The following CEP63 variants were observed in gnomAD, a reference collection of about 807,000 sequenced individuals.
CEP63 encodes the protein centrosomal protein of 63 kDa.
CEP63 carries 84 observed loss-of-function variants against 89.1 expected under a neutral mutation model. That is an observed-to-expected ratio of 0.94 (90% CI 0.79 to 1.13). CEP63 has a LOEUF of 1.13. CEP63 is among the 50% of genes most tolerant of loss of function. The pLI is 0.00. For missense variants in CEP63, 838 were observed against 813.3 expected, an observed-to-expected ratio of 1.03 and a Z score of -0.37; for synonymous variants, 267 against 272.5, an observed-to-expected ratio of 0.98 and a Z score of 0.20.
At chr3:134,629,841 A>G in the CEP63 span, 4 of 620,028 alleles carry the variant, frequency 6.5e-6, no homozygotes. Flanking sequence ...TCTTTAAATC[A>G]AAACAACAAC....
chr3:134,765,785 C>T, the CEP63 span, among the ~76,000 whole-genome samples: 7 of 152,062 alleles, frequency 4.6e-5, no homozygotes, highest in Non-Finnish European at 1.0e-4. Context: ...TGTCCTTTGG[C>T]CAGCAGCATC....
the CEP63 span, among the ~76,000 whole-genome samples, chr3:134,654,890 G>T: frequency 4.6e-5 from 7 of 152,110 alleles, no homozygotes; most frequent in Admixed American, 6.5e-5. Context: ...TCTCTGTGGT[G>T]CCTCTTTTTA....
In CEP63 at chr3:134,564,433, A is replaced by G; in HGVS notation, c.*2898A>G. The G allele has an allele frequency of 2.0e-6, 2 of 985,196 alleles. No individual in the cohort carries two copies. The highest frequency in any genetic ancestry group is 2.4e-6 in the Non-Finnish European group (2 of 829,920). 61.0% of individuals were successfully genotyped at this position (985,196 alleles called of 1,614,324 possible). On this transcript the variant is annotated 3_prime_UTR_variant, in exon 15 of 15. Coordinates refer to ENST00000675561, the MANE Select transcript of CEP63 (RefSeq NM_001353108.3). ...CCCATGTCAGGGAACGTTTCTCCTC[A>G]TTGCTGTCATGGCACCCTGTGTGTG...
chr3:134,572,061 A>C (rs144679875), intron 11 of CEP63, among the ~76,000 whole-genome samples: 1 of 152,216 alleles, frequency 6.6e-6, no homozygotes, highest in Non-Finnish European at 1.5e-5. Context: ...ACCCAAGTTC[A>C]TGGAACCCTA....
At chr3:134,651,044 C>G in the CEP63 span, 7 of 1,584,376 alleles carry the variant, frequency 4.4e-6, no homozygotes, top group South Asian at 2.3e-5. Flanking sequence ...CGCAGCTGCC[C>G]CACACGGGAG....
chr3:134,713,316 C>T, the CEP63 span, among the ~76,000 whole-genome samples: 2 of 152,162 alleles, frequency 1.3e-5, no homozygotes, highest in Non-Finnish European at 2.9e-5. Context: ...CCCTTGCTAG[C>T]AATTGGTGTA....
chr3:134,596,060 C>CTGGG, the CEP63 span, among the ~76,000 whole-genome samples: 1 of 15,518 alleles, frequency 6.4e-5, no homozygotes, highest in African/African-American at 2.9e-4. Flanking sequence ...TTGTTGGTCT[C>CTGGG]TGGGTGGGTG....
At chr3:134,558,397 T>G (rs1956690372) in intron 13 of CEP63, 50 bp downstream of exon 13, 1 of 1,208,972 alleles carries the variant, frequency 8.3e-7, no homozygotes, top group Non-Finnish European at 1.2e-6. Flanking sequence ...ACAATATAAT[T>G]CTCATTTCTT....
chr3:134,635,493 TA>T, the CEP63 span, among the ~76,000 whole-genome samples: 2 of 79,334 alleles, frequency 2.5e-5, no homozygotes, highest in South Asian at 5.9e-4. Context: ...CGAGACTCTG[TA>T]AAAAAAAAAA....
intron 3 of CEP63, among the ~76,000 whole-genome samples, chr3:134,528,567 TGC>T (rs1328587849): frequency 7.6e-6 from 1 of 130,846 alleles, no homozygotes; most frequent in Non-Finnish European, 1.6e-5. Flanking sequence ...TGTGTGTGTG[TGC>T]GTGTGTGTGT....
chr3:134,538,359 T>A (rs888340019), intron 6 of CEP63, among the ~76,000 whole-genome samples: 2 of 151,114 alleles, frequency 1.3e-5, no homozygotes, highest in African/African-American at 4.9e-5. Context: ...TGTGAGTGAC[T>A]TCATTCAAAA....
At chr3:134,619,247 G>T in the CEP63 span, 1 of 1,613,926 alleles carries the variant, frequency 6.2e-7, no homozygotes, top group Non-Finnish European at 8.5e-7. Context: ...CTTCTCCTGA[G>T]CAGCTGCAAT....
intron 11 of CEP63, among the ~76,000 whole-genome samples, chr3:134,570,392 C>T (rs891407878): frequency 6.6e-6 from 1 of 152,190 alleles, no homozygotes; most frequent in Non-Finnish European, 1.5e-5. Flanking sequence ...GAAATTTCTT[C>T]TGCCAGATAC....
chr3:134,597,082 C>T, the CEP63 span, among the ~76,000 whole-genome samples: 2 of 152,086 alleles, frequency 1.3e-5, no homozygotes, highest in Admixed American at 6.5e-5. Context: ...TGATGGGAGA[C>T]AAAGTGGAGA....
chr3:134,619,536 G>C, the CEP63 span, among the ~76,000 whole-genome samples: 1 of 152,238 alleles, frequency 6.6e-6, no homozygotes, highest in Non-Finnish European at 1.5e-5. Flanking sequence ...CAGTGCAGAG[G>C]CATGGGGCTC....
chr3:134,671,972 G>C, the CEP63 span, among the ~76,000 whole-genome samples: 3 of 152,160 alleles, frequency 2.0e-5, no homozygotes, highest in Non-Finnish European at 2.9e-5. Flanking sequence ...ACCTGGGCTG[G>C]CCAGAGCTGT....
chr3:134,780,524 T>C, the CEP63 span: 1 of 152,242 alleles, frequency 6.6e-6, no homozygotes, highest in Admixed American at 6.5e-5. Context: ...TTGTATGTGG[T>C]ATAAAAATAT....
chr3:134,576,900 T>C (rs2110312091), downstream of CEP63, among the ~76,000 whole-genome samples: 1 of 152,310 alleles, frequency 6.6e-6, no homozygotes, highest in Middle Eastern at 3.4e-3. Flanking sequence ...AAAAGCTGGC[T>C]GCTCAATTTT....
In CEP63 at chr3:134,551,985, G is replaced by A. The variant is rs1458316684; in HGVS notation, c.1440G>A (p.Val480=). ...AAAATCGTCATCTTTCTGAAATGGTGATGAAATTGGAATTGGGTTTACATG... is the reference window on the plus strand; with the variant it reads ...AAAATCGTCATCTTTCTGAAATGGTAATGAAATTGGAATTGGGTTTACATG... ...KLENRHLSEM[V]MKLELGLHEA... The change falls in exon 12 of 15, where the codon GTG becomes GTA. Residue 480 remains valine, a synonymous_variant. Transcript: ENST00000675561. 6 of 1,604,728 alleles carry A rather than the reference G, an allele frequency of 3.7e-6. No homozygotes were observed. The highest frequency in any genetic ancestry group is 5.1e-6 in the Non-Finnish European group (6 of 1,173,760).
Sources: gnomAD v4.1 joint callset for allele counts (sites outside exome capture counted in the v4.1 genomes callset) on GRCh38, gnomAD v4.1.1 for gene constraint, MANE v1.5 for transcripts, NCBI Gene and HGNC (gene_info 2026-07-23, HGNC 2026-07-21) for gene names.